The following MON2 variants were observed in gnomAD, a reference collection of about 807,000 sequenced individuals.
MON2 encodes the protein protein MON2 homolog.
Under a neutral mutation model 208.6 loss-of-function variants are expected in MON2, and 84 were observed. The ratio of observed to expected loss-of-function variants is 0.40; its 90% CI spans 0.34 to 0.48. MON2 has a LOEUF of 0.48. Among genes scored for constraint, MON2 ranks in the 20% least tolerant of loss-of-function variants. The pLI, the probability that MON2 is intolerant of heterozygous loss-of-function variation, is 0.59. For missense variants in MON2, 1,611 were observed against 2,015.4 expected (o/e 0.80, Z 3.84); for synonymous variants, 660 against 694.0 (o/e 0.95, Z 0.77).
intron 19 of MON2, among the ~76,000 whole-genome samples, chr12:62,541,813 C>T (rs961765415): frequency 6.6e-6 from 1 of 152,108 alleles, no homozygotes; most frequent in Non-Finnish European, 1.5e-5. Context: ...GATACCTATA[C>T]ATATTCTTTT....
intron 22 of MON2, among the ~76,000 whole-genome samples, chr12:62,547,838 C>G (rs1317728216): frequency 6.6e-6 from 1 of 152,026 alleles, no homozygotes; most frequent in Non-Finnish European, 1.5e-5. Context: ...GTTTGTAGCC[C>G]AGGAGCAATA....
chr12:62,530,668 T>C (rs11613847), intron 11 of MON2, among the ~76,000 whole-genome samples: 10 of 152,240 alleles, frequency 6.6e-5, no homozygotes, highest in Non-Finnish European at 1.5e-5. Flanking sequence ...TTCACTTTTG[T>C]TTATTATGAA....
intron 8 of MON2, among the ~76,000 whole-genome samples, chr12:62,511,754 A>G (rs1183800611): frequency 2.0e-5 from 3 of 152,264 alleles, no homozygotes; most frequent in African/African-American, 7.2e-5. Context: ...AAGCAACAAT[A>G]GACAAATGGA....
At chr12:62,561,210 A>G (rs73124303) in intron 26 of MON2, 97 bp downstream of exon 26, 10 of 1,022,230 alleles carry the variant, frequency 9.8e-6, no homozygotes, top group Non-Finnish European at 1.4e-5. Flanking sequence ...TAGATCATCA[A>G]GATTGTTTTA....
chr12:62,547,666 CG>C (rs1207834097), intron 22 of MON2, among the ~76,000 whole-genome samples: 13 of 152,132 alleles, frequency 8.5e-5, no homozygotes, highest in African/African-American at 3.1e-4. Flanking sequence ...CGCTGCCTAA[CG>C]TTTCAGTCAA....
At chr12:62,571,615 A>C (rs756577953) in intron 30 of MON2, 33 bp downstream of exon 30, 8 of 1,524,372 alleles carry the variant, frequency 5.2e-6, no homozygotes, top group Admixed American at 3.7e-5. Context: ...TTAAGACAAG[A>C]AGTGGCACAT....
chr12:62,513,416 G>A (rs1352220994), intron 8 of MON2, among the ~76,000 whole-genome samples: 4 of 151,918 alleles, frequency 2.6e-5, no homozygotes, highest in South Asian at 2.1e-4. Context: ...AGTAGAGACC[G>A]GGTTTCGCCA....
rs752273424 is a variant in MON2, at chr12:62,556,142, C to T, written c.3359C>T (p.Ala1120Val). 3 of 1,613,898 alleles carry T rather than the reference C, an allele frequency of 1.9e-6. No homozygotes were observed. The highest frequency in any genetic ancestry group is 2.5e-6 in the Non-Finnish European group (3 of 1,179,974). ...QWAETWVLTL[A>V]GVARIFNTRR... Reference sequence around the variant, plus strand: ...GCTGAGACGTGGGTATTAACATTGGCTGGAGTAGCAAGGATCTTCAACACT... The same window carrying T: ...GCTGAGACGTGGGTATTAACATTGGTTGGAGTAGCAAGGATCTTCAACACT... Residue 1120 changes from alanine to valine, a missense_variant, in exon 25 of 35, where the codon GCT (alanine) becomes GTT (valine). Ala to Val is a moderately conservative substitution (Grantham distance 64, BLOSUM62 0). Coordinates refer to ENST00000393630, the MANE Select transcript of MON2 (RefSeq NM_015026.3).
Position 62,600,450 on chromosome 12 carries a change from T to C in MON2, c.*7701T>C, listed in dbSNP as rs2075598917. On this transcript the variant is annotated 3_prime_UTR_variant, in exon 35 of 35. Coordinates refer to ENST00000393630, the MANE Select transcript of MON2 (RefSeq NM_015026.3). ...TAAAATAATACTGGATACAAGACTATACAATTAAATACTGGTGTATCACTA... is the reference window on the plus strand; with the variant it reads ...TAAAATAATACTGGATACAAGACTACACAATTAAATACTGGTGTATCACTA... 6.6e-6 allele frequency: 1 copy of C among 152,268 alleles called. No homozygotes were observed. The highest frequency in any genetic ancestry group is 1.5e-5 in the Non-Finnish European group (1 of 68,036). The allele number at this position is 152,268 out of a possible 1,614,324, so 9.4% of individuals were successfully genotyped here. A position where few individuals can be genotyped will look rare whatever the true frequency, so the allele number is the denominator to read the frequency against.
chr12:62,576,113 A>G (rs2074769409), intron 30 of MON2, among the ~76,000 whole-genome samples: 1 of 152,224 alleles, frequency 6.6e-6, no homozygotes, highest in Non-Finnish European at 1.5e-5. Flanking sequence ...ATGTATTCAT[A>G]CAGTGGAACA....
At chr12:62,521,068 C>T (rs569010381) in intron 8 of MON2, among the ~76,000 whole-genome samples, 4 of 151,586 alleles carry the variant, frequency 2.6e-5, no homozygotes, top group East Asian at 1.9e-4. Flanking sequence ...TGCAGTGGCG[C>T]GATCTCGGCT....
chr12:62,520,202 C>T (rs1440235459), intron 8 of MON2, among the ~76,000 whole-genome samples: 4 of 152,152 alleles, frequency 2.6e-5, no homozygotes, highest in African/African-American at 9.7e-5. Context: ...TCAAATGGAT[C>T]TTTTAGTCAT....
intron 32 of MON2, among the ~76,000 whole-genome samples, chr12:62,582,709 T>C (rs912190910): frequency 2.0e-5 from 3 of 147,456 alleles, no homozygotes; most frequent in Admixed American, 6.8e-5. Context: ...AAAATAAAGT[T>C]TGTAGTTTTC....
Position 62,598,938 on chromosome 12 carries a change from A to G in MON2, c.*6189A>G, listed in dbSNP as rs1200637521. 1 of 152,218 alleles carries G rather than the reference A, an allele frequency of 6.6e-6. No homozygotes were observed. The highest frequency in any genetic ancestry group is 6.5e-5 in the Admixed American group (1 of 15,274). The allele number at this position is 152,218 out of a possible 1,614,324, so 9.4% of individuals were successfully genotyped here. On this transcript the variant is annotated 3_prime_UTR_variant, in exon 35 of 35. Transcript: ENST00000393630. Reference sequence around the variant, plus strand: ...TAGTGTTTCTTTATAACTTAAAATCATAACCACTTTGATAATTTACCTTTG... The same window carrying G: ...TAGTGTTTCTTTATAACTTAAAATCGTAACCACTTTGATAATTTACCTTTG...
At position 62,467,195 on chromosome 12, in the gene MON2, A is replaced by T; in HGVS notation, c.-13A>T. On this transcript the variant is annotated 5_prime_UTR_variant, in exon 1 of 35. Coordinates refer to ENST00000393630, the MANE Select transcript of MON2 (RefSeq NM_015026.3). ...TTGTACCTCTCGGAAATTGGCTGGGACCTTGGAGGATCATGTCCGGCACCA... is the reference window on the plus strand; with the variant it reads ...TTGTACCTCTCGGAAATTGGCTGGGTCCTTGGAGGATCATGTCCGGCACCA... The T allele has an allele frequency of 6.2e-7, 1 of 1,609,376 alleles. No individual in the cohort carries two copies. The highest frequency in any genetic ancestry group is 1.3e-5 in the African/African-American group (1 of 74,974).
At chr12:62,548,684 G>A (rs926750071) in intron 22 of MON2, among the ~76,000 whole-genome samples, 5 of 152,100 alleles carry the variant, frequency 3.3e-5, no homozygotes, top group African/African-American at 1.2e-4. Context: ...GTACTAAATA[G>A]GGCATTGTAG....
chr12:62,514,110 C>T (rs953781073), intron 8 of MON2, among the ~76,000 whole-genome samples: 1 of 152,114 alleles, frequency 6.6e-6, no homozygotes, highest in African/African-American at 2.4e-5. Context: ...CAGTTCCCAA[C>T]AAGTTCCTCA....
At chr12:62,565,168 T>C in intron 26 of MON2, 69 bp from the exon 27 acceptor site, 2 of 1,454,360 alleles carry the variant, frequency 1.4e-6, no homozygotes, top group Non-Finnish European at 9.5e-7. Context: ...GTTAAACAAA[T>C]ATATACACAG....
chr12:62,551,542 C>G (rs555485407), intron 23 of MON2, among the ~76,000 whole-genome samples: 1 of 152,186 alleles, frequency 6.6e-6, no homozygotes, highest in East Asian at 1.9e-4. Flanking sequence ...TGAAATATTA[C>G]AAGTATTACT....
Sources: allele counts gnomAD v4.1 joint callset (sites outside exome capture counted in the v4.1 genomes callset), GRCh38; gene constraint gnomAD v4.1.1; transcripts MANE v1.5; gene names NCBI Gene and HGNC (gene_info 2026-07-23, HGNC 2026-07-21).